The following NSD2 variants were observed in gnomAD, a reference collection of about 807,000 sequenced individuals.
The protein encoded by NSD2 is histone-lysine N-methyltransferase NSD2.
In NSD2, 12 loss-of-function variants were observed where a neutral mutation model predicts 139.0. That is an observed-to-expected ratio of 0.09 (90% CI 0.06 to 0.14). NSD2 has a LOEUF of 0.14. NSD2 is among the 10% of genes least tolerant of loss of function. The pLI is 1.00. For missense variants in NSD2, 1,155 were observed against 1,745.0 expected, an observed-to-expected ratio of 0.66 and a Z score of 6.02; for synonymous variants, 669 against 648.7, an observed-to-expected ratio of 1.03 and a Z score of -0.48.
chr4:1,909,751 C>T (rs1577411811), intron 3 of NSD2, among the ~76,000 whole-genome samples: 1 of 151,858 alleles, frequency 6.6e-6, no homozygotes, highest in East Asian at 1.9e-4. Context: ...AGCGATTCTC[C>T]TGTCTCAGCC....
Position 1,942,111 on chromosome 4 carries a change from T to C in NSD2, c.1881+2333T>C, listed in dbSNP as rs1269685282. 8.0e-7 allele frequency: 1 copy of C among 1,253,928 alleles called. No individual in the cohort carries two copies. 77.7% of individuals were successfully genotyped at this position (1,253,928 alleles called of 1,614,324 possible). On this transcript the variant is annotated intron_variant, in intron 9 of 21. Coordinates refer to ENST00000508803, the MANE Select transcript of NSD2 (RefSeq NM_001042424.3). This position sits in a 1 kb window ranked among gnomAD's most constrained non-coding sequence, Gnocchi z 4.0. ...GTATTTCAGAACACTTTAGGTCATG[T>C]TGTAGTTTAAATTCTTCTTGAAAAA...
At position 1,973,201 on chromosome 4, in the gene NSD2, C is replaced by T. The variant is rs1465489713; in HGVS notation, c.3373-1662C>T. On this transcript the variant is annotated intron_variant, in intron 18 of 21. Coordinates refer to ENST00000508803, the MANE Select transcript of NSD2 (RefSeq NM_001042424.3). This position sits in a 1 kb window ranked among gnomAD's most constrained non-coding sequence, Gnocchi z 5.5. ...GAATATCTAGGGAACATCTGTAAGT[C>T]AGTTAAGATAAATAAAACAGGGTCA... Among the ~76,000 whole-genome samples the T allele has an allele frequency of 1.3e-5, 2 of 152,140 alleles. No homozygotes were observed. The highest frequency in any genetic ancestry group is 4.8e-5 in the African/African-American group (2 of 41,430).
At chr4:1,940,936 G>C in intron 9 of NSD2, 1 of 1,057,120 alleles carries the variant, frequency 9.5e-7, no homozygotes, top group Non-Finnish European at 1.1e-6. Flanking sequence ...TTTCTGCAGG[G>C]ACTCAAACCA....
chr4:1,886,241 G>T (rs755030163), intron 1 of NSD2, among the ~76,000 whole-genome samples: 7 of 152,024 alleles, frequency 4.6e-5, no homozygotes, highest in African/African-American at 1.5e-4. Context: ...GGATCTCACT[G>T]TGTGGCCAGG....
chr4:1,942,803 A>T lies in NSD2; in HGVS notation c.1881+3025A>T, dbSNP rs1270075072. 9.3e-7 allele frequency: 1 copy of T among 1,077,114 alleles called. No homozygotes were observed. Among genetic ancestry groups the T allele is most frequent in the East Asian group, 4.9e-5 (1 of 20,560 alleles). The allele number at this position is 1,077,114 out of a possible 1,614,324, so 66.7% of individuals were successfully genotyped here. A position where few individuals can be genotyped will look rare whatever the true frequency, so the allele number is the denominator to read the frequency against. Reference sequence around the variant, plus strand: ...TATCAGCGTCGCTACCCTCAGAAACAAACTAACAGCACACGTTAGGAGGAG... The same window carrying T: ...TATCAGCGTCGCTACCCTCAGAAACTAACTAACAGCACACGTTAGGAGGAG... On this transcript the variant is annotated intron_variant, in intron 9 of 21. Coordinates refer to ENST00000508803, the MANE Select transcript of NSD2 (RefSeq NM_001042424.3). This position sits in a 1 kb window ranked among gnomAD's most constrained non-coding sequence, Gnocchi z 4.0.
At chr4:1,928,805 G>T (rs1354253184) in intron 5 of NSD2, among the ~76,000 whole-genome samples, 2 of 152,114 alleles carry the variant, frequency 1.3e-5, no homozygotes, top group Non-Finnish European at 2.9e-5. Context: ...GAGGTGAGAG[G>T]CAGATGTGTT....
chr4:1,887,047 C>T (rs1313344237), intron 1 of NSD2, among the ~76,000 whole-genome samples: 1 of 152,106 alleles, frequency 6.6e-6, no homozygotes, highest in East Asian at 1.9e-4. Context: ...AAAACAACAA[C>T]CTGTATTTGT....
intron 2 of NSD2, among the ~76,000 whole-genome samples, chr4:1,902,525 A>T (rs1165170046): frequency 1.3e-5 from 2 of 152,068 alleles, no homozygotes; most frequent in Non-Finnish European, 2.9e-5. Context: ...TGCCCAGCCT[A>T]CAAAGATTTT....
chr4:1,971,906 T>C (rs1726522489), intron 18 of NSD2, among the ~76,000 whole-genome samples: 1 of 152,214 alleles, frequency 6.6e-6, no homozygotes, highest in South Asian at 2.1e-4. Flanking sequence ...CAAGTATGCT[T>C]AGCTTGCTAA....
At chr4:1,880,221 C>T (rs190403703) in intron 1 of NSD2, among the ~76,000 whole-genome samples, 95 of 152,232 alleles carry the variant, frequency 6.2e-4, no homozygotes, top group African/African-American at 2.3e-3. Flanking sequence ...GCATCTTCTT[C>T]TCATTGAATC....
intron 5 of NSD2, among the ~76,000 whole-genome samples, chr4:1,922,742 A>G (rs1343427363): frequency 1.3e-5 from 2 of 152,170 alleles, no homozygotes; most frequent in African/African-American, 2.4e-5. Flanking sequence ...CCTGGCCAAC[A>G]TGATGAAACC....
At chr4:1,898,658 TAAAAAAA>T (rs967880779) in intron 1 of NSD2, among the ~76,000 whole-genome samples, 11 of 119,290 alleles carry the variant, frequency 9.2e-5, no homozygotes, top group Admixed American at 2.7e-4. Flanking sequence ...AGACTCCGTC[TAAAAAAA>T]AAAAAACAAA....
intron 1 of NSD2, among the ~76,000 whole-genome samples, chr4:1,875,863 TG>T (rs1714216799): frequency 1.4e-5 from 2 of 143,936 alleles, no homozygotes; most frequent in African/African-American, 5.2e-5. Context: ...GAGCCAAGAC[TG>T]CGCCACTGCA....
chr4:1,903,653 A>G lies in NSD2; in HGVS notation c.598-563A>G, dbSNP rs374037313. On this transcript the variant is annotated intron_variant, in intron 2 of 21. Coordinates refer to ENST00000508803, the MANE Select transcript of NSD2 (RefSeq NM_001042424.3). ...AATACTAGGCCAAGGAAATAGATTT[A>G]TATAGAGATCTTCAAAATGTTGAAC... Among the ~76,000 whole-genome samples, 17 of 152,180 alleles carry G rather than the reference A, an allele frequency of 1.1e-4. No homozygotes were observed. In the East Asian group the frequency reaches 3.3e-3, roughly 29 times the overall value.
intron 6 of NSD2, among the ~76,000 whole-genome samples, chr4:1,931,865 C>T (rs115907720): frequency 2.0e-5 from 3 of 152,074 alleles, no homozygotes; most frequent in Non-Finnish European, 4.4e-5. Flanking sequence ...AATTTAGAGA[C>T]GTGTTCCTTT....
At chr4:1,969,322 C>T (rs973998789) in intron 18 of NSD2, among the ~76,000 whole-genome samples, 2 of 152,134 alleles carry the variant, frequency 1.3e-5, no homozygotes, top group African/African-American at 2.4e-5. Flanking sequence ...TCCATCAAGC[C>T]GACAGCAGTG....
intron 7 of NSD2, among the ~76,000 whole-genome samples, chr4:1,936,532 G>A (rs1182047497): frequency 1.3e-5 from 2 of 151,976 alleles, no homozygotes; most frequent in Non-Finnish European, 2.9e-5. Flanking sequence ...TTAGTCGGGT[G>A]TGGTGGTGCA....
intron 1 of NSD2, among the ~76,000 whole-genome samples, chr4:1,884,137 C>T (rs533588016): frequency 1.3e-5 from 2 of 152,150 alleles, no homozygotes; most frequent in East Asian, 1.9e-4. Flanking sequence ...GCTCTGTCAC[C>T]CAGGCTGGAG....
intron 1 of NSD2, among the ~76,000 whole-genome samples, chr4:1,893,338 T>C (rs915018273): frequency 6.6e-6 from 1 of 152,084 alleles, no homozygotes; most frequent in Non-Finnish European, 1.5e-5. Flanking sequence ...GGCGTGGTGA[T>C]GCATGCCTGT....
Sources: allele counts gnomAD v4.1 joint callset (sites outside exome capture counted in the v4.1 genomes callset), GRCh38; gene constraint gnomAD v4.1.1; non-coding constraint Gnocchi (gnomAD v3.1); transcripts MANE v1.5; gene names NCBI Gene and HGNC (gene_info 2026-07-23, HGNC 2026-07-21).